SMAP1: variants seen among roughly 807,000 people sequenced by gnomAD.
SMAP1 encodes small ArfGAP 1, also known as stromal membrane-associated protein 1.
Under a neutral mutation model 58.5 loss-of-function variants are expected in SMAP1, and 24 were observed. The ratio of observed to expected loss-of-function variants is 0.41; its 90% confidence interval spans 0.30 to 0.58. The LOEUF (loss-of-function observed/expected upper bound fraction) is 0.58. Ranked by LOEUF, SMAP1 falls within the 20% of genes least tolerant of loss-of-function variation. The probability of loss-of-function intolerance (pLI) is 0.29; values close to 1 mark genes in which losing one functional copy is unlikely to be tolerated. For synonymous variants in SMAP1, 216 were observed against 196.6 expected (o/e 1.10, Z -0.82); for missense variants, 563 against 566.3 (o/e 0.99, Z 0.06).
intron 1 of SMAP1, among the ~76,000 whole-genome samples, chr6:70,693,034 C>T (rs1301075438): frequency 2.6e-5 from 4 of 152,212 alleles, no homozygotes; most frequent in Admixed American, 6.5e-5. Context: ...CTGCCCACCT[C>T]GGCCTCCCAA....
intron 2 of SMAP1, among the ~76,000 whole-genome samples, chr6:70,742,872 A>G (rs1393972034): frequency 6.6e-6 from 1 of 152,220 alleles, no homozygotes; most frequent in Non-Finnish European, 1.5e-5. Context: ...GAGCCAAGTG[A>G]AAGAGGTTTC....
chr6:70,799,088 T>C (rs538223264), intron 6 of SMAP1, among the ~76,000 whole-genome samples: 15 of 152,268 alleles, frequency 9.9e-5, no homozygotes, highest in African/African-American at 3.6e-4. Context: ...GAAAAGACTC[T>C]GCTTAAGGTT....
intron 6 of SMAP1, among the ~76,000 whole-genome samples, chr6:70,831,126 T>C (rs1462991603): frequency 1.3e-5 from 2 of 152,322 alleles, no homozygotes; most frequent in East Asian, 3.9e-4. Context: ...CCTAGTCCAA[T>C]AGCTGAGGCC....
chr6:70,679,052 C>T (rs1202617587), intron 1 of SMAP1, among the ~76,000 whole-genome samples: 5 of 148,198 alleles, frequency 3.4e-5, no homozygotes, highest in African/African-American at 1.3e-4. Context: ...GAGATGGAGT[C>T]TTACTCTGTC....
intron 4 of SMAP1, among the ~76,000 whole-genome samples, chr6:70,779,869 T>C (rs970763220): frequency 1.5e-4 from 23 of 152,150 alleles, no homozygotes; most frequent in Non-Finnish European, 3.1e-4. Flanking sequence ...CAAACACAGA[T>C]CAACATTGGC....
intron 6 of SMAP1, among the ~76,000 whole-genome samples, chr6:70,836,128 A>G (rs1770572882): frequency 6.6e-6 from 1 of 152,176 alleles, no homozygotes; most frequent in Non-Finnish European, 1.5e-5. Flanking sequence ...CTCAGCTAAC[A>G]GGATGTATTA....
chr6:70,861,468 C>T lies in SMAP1; in HGVS notation c.*1134C>T. On this transcript the variant is annotated 3_prime_UTR_variant, in exon 11 of 11. Coordinates refer to ENST00000370455, the MANE Select transcript of SMAP1 (RefSeq NM_001044305.3). ...GCAGAACAAATGAAGACAAAACATA[C>T]ATTTTGTACCAACCATCCAATTAGC... 1.7e-6 allele frequency: 1 copy of T among 579,054 alleles called. No homozygotes were observed. Among genetic ancestry groups the T allele is most frequent in the East Asian group, 2.9e-5 (1 of 35,008 alleles). 35.9% of individuals were successfully genotyped at this position (579,054 alleles called of 1,614,324 possible). A position where few individuals can be genotyped will look rare whatever the true frequency, so the allele number is the denominator to read the frequency against.
At chr6:70,709,546 T>C (rs2149836217) in intron 1 of SMAP1, among the ~76,000 whole-genome samples, 1 of 152,180 alleles carries the variant, frequency 6.6e-6, no homozygotes, top group East Asian at 1.9e-4. Context: ...GGTTTCAAGC[T>C]CCTGGGCACA....
At chr6:70,857,746 G>T (rs186099548) in intron 9 of SMAP1, 176 bp from the exon 10 acceptor site, 207 of 617,090 alleles carry the variant, frequency 3.4e-4, no homozygotes, top group Non-Finnish European at 1.9e-4. Flanking sequence ...CTGCATCCTA[G>T]AAACAACCAG....
At chr6:70,779,117 A>G (rs1195174469) in intron 4 of SMAP1, among the ~76,000 whole-genome samples, 1 of 152,152 alleles carries the variant, frequency 6.6e-6, no homozygotes, top group East Asian at 1.9e-4. Context: ...AGGTCTGGAG[A>G]GCACATGCTT....
chr6:70,857,115 T>G, intron 9 of SMAP1, 85 bp downstream of exon 9: 1 of 1,340,346 alleles, frequency 7.5e-7, no homozygotes, highest in Non-Finnish European at 1.0e-6. Context: ...TATATATCTT[T>G]TATTGTTCCA....
Position 70,698,664 on chromosome 6 carries a change from C to T in SMAP1, c.118+30523C>T, listed in dbSNP as rs143695918. Among the ~76,000 whole-genome samples, 344 of 152,248 alleles carry T rather than the reference C, an allele frequency of 2.3e-3. 3 individuals carry two copies. The South Asian group carries it at 0.026, about 12-fold the overall frequency. On this transcript the variant is annotated intron_variant, in intron 1 of 10. Transcript: ENST00000370455. ...AATTATTTCTTCTGCTTGATCAATT[C>T]TGCTGTTGAGAGACTCTGACGCATT...
chr6:70,730,795 T>A (rs897500182), intron 1 of SMAP1, among the ~76,000 whole-genome samples: 1 of 152,114 alleles, frequency 6.6e-6, no homozygotes, highest in Non-Finnish European at 1.5e-5. Flanking sequence ...AAAAAAAGCT[T>A]TATTTTTAAT....
intron 1 of SMAP1, among the ~76,000 whole-genome samples, chr6:70,712,950 C>T (rs1189043447): frequency 6.6e-6 from 1 of 151,792 alleles, no homozygotes; most frequent in East Asian, 1.9e-4. Flanking sequence ...TGCCACCACA[C>T]CTGGCTCATT....
At chr6:70,793,674 A>G (rs1323208229) in intron 5 of SMAP1, among the ~76,000 whole-genome samples, 2 of 132,168 alleles carry the variant, frequency 1.5e-5, no homozygotes, top group African/African-American at 2.8e-5. Context: ...GAGAGAGAGA[A>G]AGCTTAAAAA....
Position 70,818,595 on chromosome 6 carries a change from G to T in SMAP1, c.577-18346G>T, listed in dbSNP as rs149735561. Among the ~76,000 whole-genome samples the T allele has an allele frequency of 1.8e-3, 275 of 152,240 alleles. 1 individual carries two copies. The highest frequency in any genetic ancestry group is 6.0e-3 in the African/African-American group (248 of 41,558). On this transcript the variant is annotated intron_variant, in intron 6 of 10. Coordinates refer to ENST00000370455, the MANE Select transcript of SMAP1 (RefSeq NM_001044305.3). Reference sequence around the variant, plus strand: ...GGTTTCTTTATCAAACCTGCTTCCCGTAGTCATCTCTCTCTTCTTTCCTGG... The same window carrying T: ...GGTTTCTTTATCAAACCTGCTTCCCTTAGTCATCTCTCTCTTCTTTCCTGG...
At chr6:70,803,065 A>C (rs1768937237) in intron 6 of SMAP1, among the ~76,000 whole-genome samples, 1 of 152,200 alleles carries the variant, frequency 6.6e-6, no homozygotes, top group African/African-American at 2.4e-5. Flanking sequence ...TGATTGGAAT[A>C]GTTTCAGAAG....
chr6:70,748,035 A>G (rs1766117719), intron 2 of SMAP1, among the ~76,000 whole-genome samples: 1 of 152,222 alleles, frequency 6.6e-6, no homozygotes, highest in Non-Finnish European at 1.5e-5. Flanking sequence ...TCTGTATTAA[A>G]TATTTCCAAA....
At chr6:70,806,548 C>T (rs746200876) in intron 6 of SMAP1, among the ~76,000 whole-genome samples, 3 of 152,136 alleles carry the variant, frequency 2.0e-5, no homozygotes, top group Non-Finnish European at 4.4e-5. Flanking sequence ...GAACCAGGTA[C>T]CTCAGTTGGA....
Sources: allele counts gnomAD v4.1 joint callset (sites outside exome capture counted in the v4.1 genomes callset), GRCh38; gene constraint gnomAD v4.1.1; transcripts MANE v1.5; gene names NCBI Gene and HGNC (gene_info 2026-07-23, HGNC 2026-07-21).